The following GCSAML variants were observed in gnomAD, a reference collection of about 807,000 sequenced individuals.
GCSAML encodes germinal center associated signaling and motility like, also known as germinal center-associated signaling and motility-like protein.
GCSAML carries 9 observed loss-of-function variants against 13.0 expected under a neutral mutation model. The ratio of observed to expected loss-of-function variants is 0.69; its 90% CI spans 0.42 to 1.21. The LOEUF is 1.21. GCSAML is among the 50% of genes most tolerant of loss of function. GCSAML has a pLI of 0.00. For missense variants in GCSAML, 143 were observed against 153.4 expected, an observed-to-expected ratio of 0.93 and a Z score of 0.36; for synonymous variants, 37 against 52.9, an observed-to-expected ratio of 0.70 and a Z score of 1.31.
intron 2 of GCSAML, among the ~76,000 whole-genome samples, chr1:247,532,970 G>A (rs936481062): frequency 3.3e-5 from 5 of 152,084 alleles, no homozygotes; most frequent in Admixed American, 2.0e-4. Flanking sequence ...ACATCTATAT[G>A]CAACCTAAAT....
chr1:247,511,600 T>G (rs1341953133), intron 1 of GCSAML, among the ~76,000 whole-genome samples: 2 of 152,234 alleles, frequency 1.3e-5, no homozygotes, highest in Non-Finnish European at 2.9e-5. Flanking sequence ...GCTGAGCAGT[T>G]TCTTTATAGT....
chr1:247,546,079 A>T (rs1380033302), upstream of GCSAML, among the ~76,000 whole-genome samples: 1 of 152,226 alleles, frequency 6.6e-6, no homozygotes, highest in Non-Finnish European at 1.5e-5. Context: ...CAAATTATGT[A>T]CATTAATTAT....
chr1:247,558,468 A>G (rs1478362408), intron 2 of GCSAML, among the ~76,000 whole-genome samples: 1 of 152,178 alleles, frequency 6.6e-6, no homozygotes, highest in Non-Finnish European at 1.5e-5. Context: ...AGTTTAGGAA[A>G]AACATACTCA....
intron 2 of GCSAML, among the ~76,000 whole-genome samples, chr1:247,534,704 C>T (rs1256081511): frequency 6.6e-6 from 1 of 152,176 alleles, no homozygotes; most frequent in Non-Finnish European, 1.5e-5. Flanking sequence ...GTGAACTTAA[C>T]TATCAGCCTT....
At chr1:247,515,543 T>G (rs945042093) in intron 1 of GCSAML, among the ~76,000 whole-genome samples, 1 of 152,216 alleles carries the variant, frequency 6.6e-6, no homozygotes, top group African/African-American at 2.4e-5. Context: ...AAGAACTACC[T>G]GAGACAGGGC....
chr1:247,532,075 G>A, intron 2 of GCSAML: 2 of 1,614,110 alleles, frequency 1.2e-6, no homozygotes, highest in Non-Finnish European at 1.7e-6. Context: ...GGAGGCCAAA[G>A]CTAGCCCAAG....
At chr1:247,544,854 A>G (rs1667516373), upstream of GCSAML, among the ~76,000 whole-genome samples, 1 of 152,184 alleles carries the variant, frequency 6.6e-6, no homozygotes, top group African/African-American at 2.4e-5. Flanking sequence ...ACCTGTCTTA[A>G]AACAAAAACA....
intron 2 of GCSAML, among the ~76,000 whole-genome samples, chr1:247,535,769 A>T (rs1290766010): frequency 1.3e-5 from 2 of 152,228 alleles, no homozygotes; most frequent in African/African-American, 4.8e-5. Context: ...TATACCCAAG[A>T]TACTCAGATT....
chr1:247,567,693 A>G (rs1347258168), intron 4 of GCSAML, among the ~76,000 whole-genome samples: 1 of 152,242 alleles, frequency 6.6e-6, no homozygotes, highest in East Asian at 1.9e-4. Context: ...GTATATACCC[A>G]GTAATGGGAT....
rs1268869980 is a variant in GCSAML, at chr1:247,526,002, T to C, written c.-262-938T>C. 5.3e-5 allele frequency: 8 copies of C among 152,234 alleles called. No individual in the cohort carries two copies. Among genetic ancestry groups the C allele is most frequent in the Non-Finnish European group, 8.8e-5 (6 of 68,036 alleles). The allele number at this position is 152,234 out of a possible 1,614,324, so 9.4% of individuals were successfully genotyped here. ...TACCATTTGATTTTTTATTCTAAAA[T>C]TTATCTTGAGCTACTAGTCAAGTTT... is the stretch of plus-strand genomic sequence containing the variant. On this transcript the variant is annotated intron_variant, in intron 1 of 5. Coordinates refer to the GCSAML transcript ENST00000366489. This position sits in a 1 kb window ranked among gnomAD's most constrained non-coding sequence, Gnocchi z 4.8.
chr1:247,532,698 G>A, intron 2 of GCSAML: 4 of 603,236 alleles, frequency 6.6e-6, no homozygotes, highest in Non-Finnish European at 1.2e-5. Context: ...TTGGGATCAA[G>A]CAATCCTCCC....
chr1:247,549,305 A>G (rs1667689249), intron 1 of GCSAML, 85 bp downstream of exon 1: 2 of 1,179,688 alleles, frequency 1.7e-6, no homozygotes, highest in Non-Finnish European at 2.5e-6. Flanking sequence ...TGTAATGGTG[A>G]GGTACATTGT....
chr1:247,571,053 G>A (rs1199221609), intron 4 of GCSAML, among the ~76,000 whole-genome samples: 16 of 151,970 alleles, frequency 1.1e-4, no homozygotes, highest in Non-Finnish European at 7.4e-5. Context: ...CATTTGCTTC[G>A]TAAATCTTCC....
chr1:247,527,252 C>G lies in GCSAML; in HGVS notation c.-148+198C>G. ...GCTGATGGATGGTCAGGGCAAAGCA[C>G]AGTGCTGTCCTCATGGTTCTGGGAG... On this transcript the variant is annotated intron_variant, in intron 2 of 5. Transcript: ENST00000366489. The surrounding 1 kb of genome is among the most constrained non-coding windows in gnomAD (Gnocchi z 4.6). 2.8e-6 allele frequency: 1 copy of G among 361,802 alleles called. No individual in the cohort carries two copies. Among genetic ancestry groups the G allele is most frequent in the South Asian group, 2.1e-5 (1 of 47,596 alleles). 22.4% of individuals were successfully genotyped at this position (361,802 alleles called of 1,614,324 possible). A position where few individuals can be genotyped will look rare whatever the true frequency, so the allele number is the denominator to read the frequency against.
At position 247,531,615 on chromosome 1, in the gene GCSAML, C is replaced by T. The variant is rs538305862; in HGVS notation, c.-148+4561C>T. On this transcript the variant is annotated intron_variant, in intron 2 of 5. Coordinates refer to the GCSAML transcript ENST00000366489. ...CTAATACCATGTGCCGGAGGGCGCT[C>T]TTCACCTCCGTGTTCCTCAGGGTGT... The T allele has an allele frequency of 5.3e-5, 86 of 1,614,160 alleles. 2 individuals carry two copies. In the South Asian group the frequency reaches 8.5e-4, roughly 16 times the overall value.
intron 1 of GCSAML, among the ~76,000 whole-genome samples, chr1:247,555,605 G>A (rs28726117): frequency 0.047 from 7,192 of 152,194 alleles, 579 homozygotes; most frequent in African/African-American, 0.16. Context: ...TGCTTTCCCC[G>A]AATACTGCTG....
chr1:247,511,899 T>G (rs940924075), intron 1 of GCSAML, among the ~76,000 whole-genome samples: 10 of 152,212 alleles, frequency 6.6e-5, no homozygotes, highest in Admixed American at 5.9e-4. Context: ...TGGGCTTCCC[T>G]TTGTTGGTAA....
chr1:247,556,491 T>G (rs779161546), intron 2 of GCSAML, 25 bp downstream of exon 2: 160 of 1,567,484 alleles, frequency 1.0e-4, no homozygotes, highest in Middle Eastern at 6.8e-4. Flanking sequence ...TCTCAGAGTT[T>G]TTTTGTTTTG....
At chr1:247,537,891 C>A (rs538784729) in intron 2 of GCSAML, among the ~76,000 whole-genome samples, 147 of 152,176 alleles carry the variant, frequency 9.7e-4, no homozygotes, top group African/African-American at 3.3e-3. Context: ...GAATATTATA[C>A]CCTTATGAAA....
Sources: allele counts gnomAD v4.1 joint callset (sites outside exome capture counted in the v4.1 genomes callset), GRCh38; gene constraint gnomAD v4.1.1; non-coding constraint Gnocchi (gnomAD v3.1); transcripts MANE v1.5; gene names NCBI Gene and HGNC (gene_info 2026-07-23, HGNC 2026-07-21).